The following PCDH15 variants were observed in gnomAD, a reference collection of about 807,000 sequenced individuals.
PCDH15 encodes protocadherin-15.
A neutral mutation model predicts 178.5 loss-of-function variants in PCDH15; 129 were observed. The observed-to-expected ratio is 0.72, with a 90% CI of 0.63 to 0.84. The LOEUF (loss-of-function observed/expected upper bound fraction) is 0.84, where lower values mean the gene tolerates loss of function less well. Ranked by LOEUF, PCDH15 falls within the 40% of genes least tolerant of loss-of-function variation. PCDH15 has a pLI of 0.00. For missense variants in PCDH15, 2,230 were observed against 2,099.9 expected, an observed-to-expected ratio of 1.06 and a Z score of -1.21; for synonymous variants, 800 against 732.0, an observed-to-expected ratio of 1.09 and a Z score of -1.50.
intron 8 of PCDH15, among the ~76,000 whole-genome samples, chr10:54,286,500 G>C (rs2059034641): frequency 6.6e-6 from 1 of 151,976 alleles, no homozygotes; most frequent in African/African-American, 2.4e-5. Flanking sequence ...AGCATCTATA[G>C]ATTCATCAAG....
At chr10:54,223,674 G>A (rs2053138688) in intron 9 of PCDH15, among the ~76,000 whole-genome samples, 1 of 151,290 alleles carries the variant, frequency 6.6e-6, no homozygotes, top group Non-Finnish European at 1.5e-5. Flanking sequence ...GTGGATGCCT[G>A]ACCTAAACTA....
At chr10:55,054,296 C>A (rs1167671245) in intron 2 of PCDH15, among the ~76,000 whole-genome samples, 1 of 152,124 alleles carries the variant, frequency 6.6e-6, no homozygotes, top group Non-Finnish European at 1.5e-5. Flanking sequence ...TCTGTTCCTG[C>A]ATGAGTTTGC....
intron 3 of PCDH15, among the ~76,000 whole-genome samples, chr10:54,894,026 T>C (rs1954508527): frequency 6.6e-6 from 1 of 152,266 alleles, no homozygotes; most frequent in African/African-American, 2.4e-5. Flanking sequence ...CATATTATAA[T>C]ACATTATCAA....
intron 10 of PCDH15, among the ~76,000 whole-genome samples, chr10:54,199,570 C>CAATAATCAT: frequency 7.0e-6 from 1 of 142,540 alleles, no homozygotes; most frequent in East Asian, 2.0e-4. Flanking sequence ...ACAACAACAA[C>CAATAATCAT]AATAATAATA....
At chr10:54,570,147 G>A (rs1462130853) in intron 2 of PCDH15, among the ~76,000 whole-genome samples, 1 of 151,966 alleles carries the variant, frequency 6.6e-6, no homozygotes, top group African/African-American at 2.4e-5. Context: ...TAAGGAGAAT[G>A]GATCAACTAC....
chr10:55,584,175 A>G (rs1366842895), intron 2 of PCDH15, among the ~76,000 whole-genome samples: 1 of 152,096 alleles, frequency 6.6e-6, no homozygotes, highest in Non-Finnish European at 1.5e-5. Flanking sequence ...CCCACCTTAA[A>G]TCATTTTTTC....
chr10:55,127,025 T>TA (rs1432822583), intron 2 of PCDH15, among the ~76,000 whole-genome samples: 5 of 152,032 alleles, frequency 3.3e-5, no homozygotes, highest in Non-Finnish European at 5.9e-5. Context: ...ACACAAAAAC[T>TA]AGTAGAACAT....
intron 3 of PCDH15, among the ~76,000 whole-genome samples, chr10:54,442,417 TATATATA>T (rs1565287682): frequency 0.12 from 7,272 of 60,682 alleles, 1,027 homozygotes; most frequent in Non-Finnish European, 0.17. Flanking sequence ...TTAAAGGCTA[TATATATA>T]TATATATATA....
intron 1 of PCDH15, among the ~76,000 whole-genome samples, chr10:54,798,812 G>C (rs1952334586): frequency 6.6e-6 from 1 of 151,996 alleles, no homozygotes; most frequent in Admixed American, 6.6e-5. Flanking sequence ...TATATGGGGG[G>C]CTTCTGTGTT....
chr10:54,704,312 G>C (rs1330483556), intron 1 of PCDH15, among the ~76,000 whole-genome samples: 1 of 151,952 alleles, frequency 6.6e-6, no homozygotes, highest in Non-Finnish European at 1.5e-5. Context: ...AACAGACTTT[G>C]ATAGTTTGAA....
intron 2 of PCDH15, among the ~76,000 whole-genome samples, chr10:54,553,233 C>A (rs961398498): frequency 2.0e-5 from 3 of 152,052 alleles, no homozygotes; most frequent in Non-Finnish European, 4.4e-5. Context: ...CTGTAAGCAC[C>A]ACTGTGTTCT....
chr10:54,027,998 A>T (rs938920315), intron 18 of PCDH15, among the ~76,000 whole-genome samples: 114 of 150,978 alleles, frequency 7.6e-4, no homozygotes, highest in African/African-American at 2.5e-3. Context: ...ATCAGAGTGA[A>T]CAGGCAACCC....
intron 1 of PCDH15, among the ~76,000 whole-genome samples, chr10:54,791,342 G>A (rs1041088557): frequency 9.2e-5 from 14 of 151,902 alleles, no homozygotes; most frequent in Non-Finnish European, 2.9e-5. Context: ...TTGCAGTAGA[G>A]AGAGTGGAAT....
chr10:55,426,016 A>G (rs1589015827), intron 2 of PCDH15, among the ~76,000 whole-genome samples: 1 of 152,324 alleles, frequency 6.6e-6, no homozygotes, highest in African/African-American at 2.4e-5. Flanking sequence ...ACTTGGAAAA[A>G]TTCTAATAAA....
At chr10:53,944,833 T>G (rs1248095034) in intron 23 of PCDH15, among the ~76,000 whole-genome samples, 1 of 152,188 alleles carries the variant, frequency 6.6e-6, no homozygotes, top group Non-Finnish European at 1.5e-5. Flanking sequence ...GGTTTCATGT[T>G]TTCATAATGG....
chr10:54,598,839 C>A (rs1432842902), intron 2 of PCDH15, among the ~76,000 whole-genome samples: 2 of 152,022 alleles, frequency 1.3e-5, no homozygotes, highest in Non-Finnish European at 2.9e-5. Context: ...AACAGCCAAG[C>A]TGAGAGCCAA....
At chr10:54,706,499 G>C (rs1440153243) in intron 1 of PCDH15, among the ~76,000 whole-genome samples, 1 of 152,128 alleles carries the variant, frequency 6.6e-6, no homozygotes. Context: ...GTATGGGATA[G>C]TAATATAAAT....
chr10:54,016,406 C>G (rs1019010208), intron 20 of PCDH15, among the ~76,000 whole-genome samples: 2 of 152,076 alleles, frequency 1.3e-5, no homozygotes, highest in Non-Finnish European at 2.9e-5. Context: ...AATTGTTGTA[C>G]CATAAAGACA....
chr10:54,051,779 C>T (rs976751063), intron 18 of PCDH15, among the ~76,000 whole-genome samples: 1 of 152,140 alleles, frequency 6.6e-6, no homozygotes, highest in South Asian at 2.1e-4. Context: ...ATATCAGAGA[C>T]CTGCACAGCA....
Sources: allele counts gnomAD v4.1 joint callset (sites outside exome capture counted in the v4.1 genomes callset), GRCh38; gene constraint gnomAD v4.1.1; transcripts MANE v1.5; gene names NCBI Gene and HGNC (gene_info 2026-07-23, HGNC 2026-07-21).